Variants in SCARB1 observed in about 807,000 individuals in gnomAD.
The protein encoded by SCARB1 is CD36 and LIMPII analogous 1.
A neutral mutation model predicts 57.2 loss-of-function variants in SCARB1; 30 were observed. That is an observed-to-expected ratio of 0.52 (90% CI 0.39 to 0.71). The LOEUF (loss-of-function observed/expected upper bound fraction) is 0.71, where lower values mean the gene tolerates loss of function less well. Ranked by LOEUF, SCARB1 falls within the 30% of genes least tolerant of loss-of-function variation. The probability of loss-of-function intolerance (pLI) is 0.00; values close to 1 mark genes in which losing one functional copy is unlikely to be tolerated. For missense variants in SCARB1, 543 were observed against 671.2 expected (o/e 0.81, Z 2.11); for synonymous variants, 249 against 268.3 (o/e 0.93, Z 0.70).
At chr12:124,840,804 C>T (rs1951875644) in intron 1 of SCARB1, among the ~76,000 whole-genome samples, 1 of 152,200 alleles carries the variant, frequency 6.6e-6, no homozygotes, top group African/African-American at 2.4e-5. Context: ...AAATCACCAT[C>T]TTCTCTGCCT....
At chr12:124,863,161 C>T (rs912146087) in intron 1 of SCARB1, among the ~76,000 whole-genome samples, 1 of 152,216 alleles carries the variant, frequency 6.6e-6, no homozygotes, top group African/African-American at 2.4e-5. Flanking sequence ...AGGATACAAG[C>T]AAAGTGCAGC....
At position 124,814,915 on chromosome 12, in the gene SCARB1, G is replaced by C; in HGVS notation, c.426+58C>G. ...CTCTCTGCACAAGGGGCAGGCGGGA[G>C]GAGAGACAGGGGACGAGGTCAGGGT... is the stretch of plus-strand genomic sequence containing the variant. On this transcript the variant is annotated intron_variant, in intron 3 of 12. Coordinates refer to ENST00000261693, the MANE Select transcript of SCARB1 (RefSeq NM_005505.5). The surrounding 1 kb of genome is among the most constrained non-coding windows in gnomAD (Gnocchi z 4.7). 6.2e-7 allele frequency: 1 copy of C among 1,609,094 alleles called. No individual in the cohort carries two copies. The highest frequency in any genetic ancestry group is 1.1e-5 in the South Asian group (1 of 90,772).
Position 124,810,284 on chromosome 12 carries a change from G to A in SCARB1, c.732C>T (p.Asp244=). 1.9e-6 allele frequency: 3 copies of A among 1,612,414 alleles called. No homozygotes were observed. Among genetic ancestry groups the A allele is most frequent in the Non-Finnish European group, 2.5e-6 (3 of 1,178,436 alleles). ...TGTTGCACTGATCGGAATGCCAGAA[G>A]TCAACCTGGGGGGAAGCATCCAGAC... ...VDKWNGLSKV[D]FWHSDQCNMI... The change falls in exon 6 of 13, where the codon GAC becomes GAT. Residue 244 remains aspartate, a synonymous_variant. Coordinates refer to ENST00000261693, the MANE Select transcript of SCARB1 (RefSeq NM_005505.5). The surrounding 1 kb of genome is among the most constrained non-coding windows in gnomAD (Gnocchi z 4.0).
chr12:124,850,267 G>A (rs900455453), intron 1 of SCARB1, among the ~76,000 whole-genome samples: 1 of 151,952 alleles, frequency 6.6e-6, no homozygotes, highest in Non-Finnish European at 1.5e-5. Flanking sequence ...CAACTACTCA[G>A]GAGGCTGAGG....
intron 8 of SCARB1, among the ~76,000 whole-genome samples, chr12:124,797,686 T>G (rs540041194): frequency 1.3e-5 from 2 of 152,070 alleles, no homozygotes; most frequent in African/African-American, 4.8e-5. Flanking sequence ...ACTGTGTTCA[T>G]GGTGGAATTC....
At chr12:124,830,267 C>A (rs879935490) in intron 1 of SCARB1, among the ~76,000 whole-genome samples, 3 of 152,204 alleles carry the variant, frequency 2.0e-5, no homozygotes, top group African/African-American at 4.8e-5. Flanking sequence ...TTAGTGCAGT[C>A]ACTGTGGAAT....
At chr12:124,835,783 G>A (rs1028950505) in intron 1 of SCARB1, among the ~76,000 whole-genome samples, 3 of 152,206 alleles carry the variant, frequency 2.0e-5, no homozygotes, top group Non-Finnish European at 2.9e-5. Flanking sequence ...TAAACCAGCA[G>A]GTAAATTCCT....
In SCARB1 at chr12:124,858,521, C is replaced by T. The variant is rs1357495821; in HGVS notation, c.126+5074G>A. Among the ~76,000 whole-genome samples, 7 of 152,232 alleles carry T rather than the reference C, an allele frequency of 4.6e-5. No individual in the cohort carries two copies. The East Asian group carries it at 1.2e-3, about 25-fold the overall frequency. On this transcript the variant is annotated intron_variant, in intron 1 of 12. Transcript: ENST00000261693. ...CAGTGTGCCTCATCGGTCTGTGTGG[C>T]GCATTCATCTGGCCAGTCTTTGAGG...
At chr12:124,824,325 A>G (rs1951057974) in intron 1 of SCARB1, among the ~76,000 whole-genome samples, 1 of 152,240 alleles carries the variant, frequency 6.6e-6, no homozygotes, top group South Asian at 2.1e-4. Context: ...CACTTACGAA[A>G]TGCCCAGAAT....
intron 7 of SCARB1, among the ~76,000 whole-genome samples, chr12:124,806,196 A>G (rs1171270623): frequency 3.3e-5 from 5 of 152,078 alleles, no homozygotes; most frequent in East Asian, 1.9e-4. Context: ...GGCCTGGACA[A>G]TGAGGCGGGG....
At chr12:124,842,275 G>T (rs1464231599) in intron 1 of SCARB1, among the ~76,000 whole-genome samples, 1 of 152,206 alleles carries the variant, frequency 6.6e-6, no homozygotes, top group African/African-American at 2.4e-5. Flanking sequence ...GGGGAAACAG[G>T]CCTCTAAGGC....
In SCARB1 at chr12:124,787,441, C is replaced by T; in HGVS notation, c.1219G>A (p.Glu407Lys). Reference sequence around the variant, plus strand: ...CAGAGCAGCGGCAGGACCACAGGCTCAATCTTCCCAGTTTGTCTGGAAATA... The same window carrying T: ...CAGAGCAGCGGCAGGACCACAGGCTTAATCTTCCCAGTTTGTCTGGAAATA... ...VAGIGQTGKI[E>K]PVVLPLLWFA... Residue 407 changes from glutamate (E) to lysine (K), a missense_variant, in exon 10 of 13, where the codon GAG becomes AAG. Glu to Lys is a moderately conservative substitution (Grantham distance 56). Coordinates refer to ENST00000261693, the MANE Select transcript of SCARB1 (RefSeq NM_005505.5). 6.2e-7 allele frequency: 1 copy of T among 1,613,756 alleles called. No homozygotes were observed. The highest frequency in any genetic ancestry group is 8.5e-7 in the Non-Finnish European group (1 of 1,179,902).
intron 9 of SCARB1, among the ~76,000 whole-genome samples, chr12:124,794,486 C>T (rs1308384727): frequency 6.0e-5 from 9 of 149,892 alleles, no homozygotes; most frequent in African/African-American, 1.7e-4. Context: ...CTGCAAGCTC[C>T]GCCTCCCGGG....
intron 1 of SCARB1, among the ~76,000 whole-genome samples, chr12:124,830,079 C>A (rs932270613): frequency 1.3e-5 from 2 of 152,188 alleles, no homozygotes; most frequent in Admixed American, 6.5e-5. Context: ...ATTCCTGTGA[C>A]TTCCTGGAGC....
intron 1 of SCARB1, among the ~76,000 whole-genome samples, chr12:124,824,760 G>A (rs1034476084): frequency 3.3e-5 from 5 of 152,198 alleles, no homozygotes; most frequent in African/African-American, 1.2e-4. Context: ...TCCCTGTTCA[G>A]ACATGGTGCA....
chr12:124,837,591 A>G (rs1951735709), intron 1 of SCARB1, among the ~76,000 whole-genome samples: 1 of 2,930 alleles, frequency 3.4e-4, no homozygotes, highest in South Asian at 0.012. Context: ...AAGAAAAGAA[A>G]AGAAAAGTCA....
chr12:124,841,678 C>T (rs974499519), intron 1 of SCARB1, among the ~76,000 whole-genome samples: 6 of 152,038 alleles, frequency 3.9e-5, no homozygotes, highest in African/African-American at 1.2e-4. Flanking sequence ...CAGGCTCCTT[C>T]GCACCTCCGG....
At chr12:124,816,300 G>C (rs1950714195) in intron 2 of SCARB1, among the ~76,000 whole-genome samples, 1 of 152,190 alleles carries the variant, frequency 6.6e-6, no homozygotes, top group Non-Finnish European at 1.5e-5. Flanking sequence ...GCCTTGGTCT[G>C]CCTGCGCCCC....
intron 7 of SCARB1, among the ~76,000 whole-genome samples, chr12:124,804,706 T>A (rs1472931608): frequency 6.6e-6 from 1 of 152,222 alleles, no homozygotes; most frequent in Non-Finnish European, 1.5e-5. Flanking sequence ...TGTTCCATTC[T>A]GCCTGAAATA....
Sources: gnomAD v4.1 joint callset for allele counts (sites outside exome capture counted in the v4.1 genomes callset) on GRCh38, gnomAD v4.1.1 for gene constraint, Gnocchi (gnomAD v3.1) non-coding constraint, MANE v1.5 for transcripts, NCBI Gene and HGNC (gene_info 2026-07-23, HGNC 2026-07-21) for gene names.